Variants in DDHD1 observed in about 807,000 individuals in gnomAD.
DDHD1 encodes the protein DDHD domain containing 1.
In DDHD1, 49 loss-of-function variants were observed where a neutral mutation model predicts 96.4. That is an observed-to-expected ratio of 0.51 (90% CI 0.40 to 0.64). DDHD1 has a LOEUF of 0.64. Among genes scored for constraint, DDHD1 ranks in the 30% least tolerant of loss-of-function variants. The pLI is 0.00. For synonymous variants in DDHD1, 442 were observed against 446.5 expected (o/e 0.99, Z 0.13); for missense variants, 1,106 against 1,161.2 (o/e 0.95, Z 0.69).
intron 1 of DDHD1, among the ~76,000 whole-genome samples, chr14:53,142,474 A>C (rs1240631475): frequency 6.6e-6 from 1 of 152,164 alleles, no homozygotes; most frequent in African/African-American, 2.4e-5. Context: ...AAAAAAAAAA[A>C]AACAGGAACA....
rs919114410 is a variant in DDHD1, at chr14:53,043,105, T to C, written c.*3663A>G. On this transcript the variant is annotated 3_prime_UTR_variant, in exon 13 of 13. Transcript: ENST00000673822. ...AGAGGCACTAGCTGTGATACGGTACTGACAATTTCTTTTCCTTTTGTCTAC... is the reference window on the plus strand; with the variant it reads ...AGAGGCACTAGCTGTGATACGGTACCGACAATTTCTTTTCCTTTTGTCTAC... The C allele has an allele frequency of 6.6e-6, 1 of 152,222 alleles. No homozygotes were observed. Among genetic ancestry groups the C allele is most frequent in the African/African-American group, 2.4e-5 (1 of 41,454 alleles). 9.4% of individuals were successfully genotyped at this position (152,222 alleles called of 1,614,324 possible).
In DDHD1 at chr14:53,051,486, T is replaced by C. The variant is rs150696215; in HGVS notation, c.2521+358A>G. ...AGAATGATGACATTCTTTGTACTAT[T>C]AGAAACCCTTTTATATCTAAATGTA... On this transcript the variant is annotated intron_variant, in intron 12 of 12. Transcript: ENST00000673822. 1.9e-3 allele frequency among the ~76,000 whole-genome samples: 285 copies of C among 152,126 alleles called. 1 individual carries two copies. The highest frequency in any genetic ancestry group is 6.4e-3 in the African/African-American group (265 of 41,556).
In DDHD1 at chr14:53,152,471, G is replaced by A. The variant is rs138115281; in HGVS notation, c.628C>T (p.Arg210Trp). 4.3e-6 allele frequency: 7 copies of A among 1,612,718 alleles called. No homozygotes were observed. In the African/African-American group the frequency reaches 9.3e-5, roughly 22 times the overall value. The change falls in exon 1 of 13, where the codon CGG (arginine) becomes TGG (tryptophan). Residue 210 changes from arginine (R) to tryptophan (W), a missense_variant. Physicochemically the swap from Arg to Trp is moderately radical, Grantham distance 101 (BLOSUM62 -3). Transcript: ENST00000673822. ...GGGGAGCACACATGGTCGCCGTCCC[G>A]GTCCCCGCCCTGGGGCCGGGCACCC... ...TTGARPQGGDRDGDHVCSPTG... is the reference protein window; with the variant it reads ...TTGARPQGGDWDGDHVCSPTG...
chr14:53,081,551 T>C lies in DDHD1; in HGVS notation c.1290-7704A>G, dbSNP rs1015644613. Among the ~76,000 whole-genome samples, 4 of 152,322 alleles carry C rather than the reference T, an allele frequency of 2.6e-5. No individual in the cohort carries two copies. In the East Asian group the frequency reaches 7.7e-4, roughly 29 times the overall value. On this transcript the variant is annotated intron_variant, in intron 4 of 12. Transcript: ENST00000673822. ...TGGAGATATTTTTGGTTCTAACAAC[T>C]AAGGGTTTTATTTGCATCAGTGAGG...
intron 8 of DDHD1, 36 bp from the exon 9 acceptor site, chr14:53,058,662 G>T (rs1269352329): frequency 6.4e-7 from 1 of 1,561,846 alleles, no homozygotes; most frequent in Non-Finnish European, 8.7e-7. Context: ...TTTAAAAATG[G>T]TGAAGTGTTA....
chr14:53,057,311 C>T (rs1408178737), intron 9 of DDHD1, among the ~76,000 whole-genome samples: 1 of 151,998 alleles, frequency 6.6e-6, no homozygotes, highest in African/African-American at 2.4e-5. Flanking sequence ...CCAGCCTTGT[C>T]CCAAAGAAGT....
chr14:53,067,938 T>C (rs140099878), intron 6 of DDHD1, among the ~76,000 whole-genome samples: 88 of 152,328 alleles, frequency 5.8e-4, no homozygotes, highest in African/African-American at 2.1e-3. Context: ...TGGGAATCAT[T>C]TGAGGATATA....
chr14:53,046,837 A>T lies in DDHD1; in HGVS notation c.2634T>A (p.Leu878=), dbSNP rs866490429. Residue 878 remains leucine (L), a synonymous_variant, in exon 13 of 13, where the codon CTT becomes CTA. Transcript: ENST00000673822. The part of the protein sequence containing the change: ...TAYWSSLDVA[L]FLLTFMYKHE... ...GTTTATACATGAAGGTTAAAAGAAAAAGGGCAACATCCAAGGATGACCAAT... is the reference window on the plus strand; with the variant it reads ...GTTTATACATGAAGGTTAAAAGAAATAGGGCAACATCCAAGGATGACCAAT... The T allele has an allele frequency of 4.3e-6, 7 of 1,613,520 alleles. 1 individual carries two copies. The Middle Eastern group carries it at 1.2e-3, about 266-fold the overall frequency.
chr14:53,081,902 G>A (rs1885499451), intron 4 of DDHD1, among the ~76,000 whole-genome samples: 2 of 151,826 alleles, frequency 1.3e-5, no homozygotes, highest in East Asian at 1.9e-4. Context: ...AATGAGGGAA[G>A]GAGAAGGGAG....
intron 4 of DDHD1, among the ~76,000 whole-genome samples, chr14:53,077,988 T>C (rs1404470441): frequency 1.3e-5 from 2 of 152,210 alleles, no homozygotes; most frequent in East Asian, 3.8e-4. Context: ...TGAATAGTAT[T>C]TCATTATATG....
intron 12 of DDHD1, among the ~76,000 whole-genome samples, chr14:53,051,059 T>G (rs914178803): frequency 6.6e-6 from 1 of 151,806 alleles, no homozygotes; most frequent in African/African-American, 2.4e-5. Context: ...TAAGAGTTTT[T>G]TTTTTTTTTT....
At chr14:53,086,571 G>C (rs892717658) in intron 4 of DDHD1, among the ~76,000 whole-genome samples, 1 of 1,136 alleles carries the variant, frequency 8.8e-4, no homozygotes, top group African/African-American at 1.1e-3. Context: ...AAGTGAAGGA[G>C]AAAAAAATCT....
At chr14:53,062,788 AAC>A (rs1334822408) in intron 7 of DDHD1, among the ~76,000 whole-genome samples, 153 bp downstream of exon 7, 1 of 152,242 alleles carries the variant, frequency 6.6e-6, no homozygotes, top group Non-Finnish European at 1.5e-5. Flanking sequence ...CATGAAAATC[AAC>A]AGTCTCCAGC....
At chr14:53,113,633 C>A (rs985449982) in intron 1 of DDHD1, among the ~76,000 whole-genome samples, 1 of 152,120 alleles carries the variant, frequency 6.6e-6, no homozygotes, top group Non-Finnish European at 1.5e-5. Flanking sequence ...CTGGGAAGCG[C>A]AAGGAGCCAG....
chr14:53,059,889 A>G (rs966330451), intron 8 of DDHD1, among the ~76,000 whole-genome samples: 1 of 148,976 alleles, frequency 6.7e-6, no homozygotes, highest in Non-Finnish European at 1.5e-5. Context: ...AAAAAAAAAA[A>G]GTAATGATAG....
At chr14:53,094,762 T>G (rs1886731230) in intron 2 of DDHD1, among the ~76,000 whole-genome samples, 1 of 150,960 alleles carries the variant, frequency 6.6e-6, no homozygotes, top group African/African-American at 2.4e-5. Context: ...GAGGATCGCT[T>G]AAGCCCAGGA....
chr14:53,065,378 C>G (rs1054365446), intron 6 of DDHD1, among the ~76,000 whole-genome samples: 16 of 152,002 alleles, frequency 1.1e-4, no homozygotes, highest in African/African-American at 3.9e-4. Flanking sequence ...ACAGCTAGGA[C>G]AATTCTCTTT....
intron 4 of DDHD1, among the ~76,000 whole-genome samples, chr14:53,076,379 C>T (rs1884961128): frequency 6.6e-6 from 1 of 152,050 alleles, no homozygotes; most frequent in Non-Finnish European, 1.5e-5. Flanking sequence ...CTAAAATAAG[C>T]AGAGTGTGAA....
intron 1 of DDHD1, among the ~76,000 whole-genome samples, chr14:53,113,390 CAAAAAAAAAA>C (rs60704615): frequency 0.79 from 94,912 of 119,906 alleles, 37,669 homozygotes; most frequent in East Asian, 0.97. Flanking sequence ...CTGTACAAGC[CAAAAAAAAAA>C]AAAAAAAAAA....
Sources: gnomAD v4.1 joint callset for allele counts (sites outside exome capture counted in the v4.1 genomes callset) on GRCh38, gnomAD v4.1.1 for gene constraint, MANE v1.5 for transcripts, NCBI Gene and HGNC (gene_info 2026-07-23, HGNC 2026-07-21) for gene names.